ANK1: variants seen among roughly 807,000 people sequenced by gnomAD.
ANK1 encodes ankyrin 1, also known as ankyrin-1.
In ANK1, 51 loss-of-function variants were observed where a neutral mutation model predicts 210.4. The ratio of observed to expected loss-of-function variants is 0.24; its 90% CI spans 0.19 to 0.31. The LOEUF is 0.31. Ranked by LOEUF, ANK1 falls within the 10% of genes least tolerant of loss-of-function variation. The pLI, the probability that ANK1 is intolerant of heterozygous loss-of-function variation, is 1.00. For synonymous variants in ANK1, 967 were observed against 1,025.9 expected, an observed-to-expected ratio of 0.94 and a Z score of 1.10; for missense variants, 2,051 against 2,504.4, an observed-to-expected ratio of 0.82 and a Z score of 3.86.
chr8:41,744,283 A>T (rs1391439142), intron 2 of ANK1, among the ~76,000 whole-genome samples: 1 of 152,238 alleles, frequency 6.6e-6, no homozygotes, highest in African/African-American at 2.4e-5. Flanking sequence ...GCCAGCTAAA[A>T]AATGTAGAAG....
At chr8:41,706,581 C>T (rs1024423047) in intron 17 of ANK1, among the ~76,000 whole-genome samples, 40 of 152,174 alleles carry the variant, frequency 2.6e-4, no homozygotes, top group African/African-American at 9.4e-4. Flanking sequence ...GCCCACGGGC[C>T]CATAGTTTGC....
intron 3 of ANK1, among the ~76,000 whole-genome samples, chr8:41,730,524 G>A (rs868472857): frequency 6.6e-6 from 1 of 150,558 alleles, no homozygotes; most frequent in African/African-American, 2.5e-5. Flanking sequence ...CTTCCCATCT[G>A]TTGCCTCCTG....
chr8:41,740,314 C>T (rs576383712), intron 2 of ANK1, among the ~76,000 whole-genome samples: 31 of 152,206 alleles, frequency 2.0e-4, no homozygotes, highest in African/African-American at 7.2e-4. Flanking sequence ...GCGTCTGCCA[C>T]CACGCCTGGC....
rs1204676713 is a variant in ANK1, at chr8:41,826,693, T to C, written c.127-68556A>G. 2.6e-5 allele frequency among the ~76,000 whole-genome samples: 4 copies of C among 152,368 alleles called. No individual in the cohort carries two copies. The East Asian group carries it at 7.7e-4, about 29-fold the overall frequency. On this transcript the variant is annotated intron_variant, in intron 1 of 42. Transcript: ENST00000265709. ...AATCTATCACATCCTAAACATGATT[T>C]ACATTTTGATGCATTTGCTTAGTCT...
Position 41,708,886 on chromosome 8 carries a change from G to A in ANK1, c.1890C>T (p.Ala630=), listed in dbSNP as rs143600719. Residue 630 remains alanine (A), a synonymous_variant, in exon 17 of 43, where the codon GCC becomes GCT. Transcript: ENST00000289734. ...SLLQYGGSAN[A]ESVQGVTPLH... is the part of the protein sequence containing the mutation. ...GGGGCGTCACACCTTGCACCGACTC[G>A]GCGTTTGCTGAGCCCCCATACTGCA... The A allele has an allele frequency of 6.8e-6, 11 of 1,613,956 alleles. No individual in the cohort carries two copies. The highest frequency in any genetic ancestry group is 1.6e-4 in the Middle Eastern group (1 of 6,084).
At chr8:41,839,560 T>G (rs6989331) in intron 1 of ANK1, among the ~76,000 whole-genome samples, 68,661 of 152,158 alleles carry the variant, frequency 0.45, 16,394 homozygotes, top group East Asian at 0.82. Context: ...GGAAGGCACA[T>G]ATCGGTGGGA....
At chr8:41,679,451 A>T (rs1815217287) in intron 37 of ANK1, among the ~76,000 whole-genome samples, 1 of 151,428 alleles carries the variant, frequency 6.6e-6, no homozygotes, top group South Asian at 2.1e-4. Flanking sequence ...GCTGGCTAAT[A>T]CTCATCTGAA....
chr8:41,814,709 T>C (rs1012483728), intron 1 of ANK1, among the ~76,000 whole-genome samples: 1 of 147,094 alleles, frequency 6.8e-6, no homozygotes, highest in Non-Finnish European at 1.5e-5. Flanking sequence ...TTTTTTATTT[T>C]TTATTTTTAG....
chr8:41,880,595 G>C (rs57811883), intron 1 of ANK1, among the ~76,000 whole-genome samples: 3,650 of 152,294 alleles, frequency 0.024, 135 homozygotes, highest in African/African-American at 0.082. Flanking sequence ...CCCAGGGCCA[G>C]TTCTTTGCAG....
chr8:41,661,198 G>A lies in ANK1; in HGVS notation c.*36+232C>T, dbSNP rs1007819738. 22 of 588,066 alleles carry A rather than the reference G, an allele frequency of 3.7e-5. 1 individual carries two copies. Among genetic ancestry groups the A allele is most frequent in the Admixed American group, 5.8e-5 (2 of 34,278 alleles). The allele number at this position is 588,066 out of a possible 1,614,324, so 36.4% of individuals were successfully genotyped here. ...GCCCAAAAGGCATTCTTACAAAACC[G>A]TGCGGTCCCTGATAAGTGGATATTA... On this transcript the variant is annotated intron_variant, in intron 42 of 42. Coordinates refer to ENST00000289734, the MANE Select transcript of ANK1 (RefSeq NM_000037.4).
At chr8:41,834,514 C>A (rs1019594207) in intron 1 of ANK1, among the ~76,000 whole-genome samples, 2 of 152,216 alleles carry the variant, frequency 1.3e-5, no homozygotes, top group Admixed American at 1.3e-4. Flanking sequence ...ACACAAGTCA[C>A]CACAGAGCCT....
chr8:41,851,033 C>T (rs1469629090), intron 1 of ANK1, among the ~76,000 whole-genome samples: 3 of 152,200 alleles, frequency 2.0e-5, no homozygotes, highest in Non-Finnish European at 4.4e-5. Context: ...AAGGCACCTC[C>T]CCAGAAATCT....
chr8:41,784,023 T>C (rs868681647), intron 1 of ANK1, among the ~76,000 whole-genome samples: 6 of 148,546 alleles, frequency 4.0e-5, no homozygotes, highest in African/African-American at 1.3e-4. Flanking sequence ...CACTCCAGCC[T>C]AGGCAGACTT....
At position 41,874,291 on chromosome 8, in the gene ANK1, C is replaced by T. The variant is rs1033762055; in HGVS notation, c.126+22064G>A. ...CCTATAGCCGCCTTCAGAGCAAGGC[C>T]CACAGCCACTAATCTGAAAGGCCTC... On this transcript the variant is annotated intron_variant, in intron 1 of 42. Transcript: ENST00000265709. Among the ~76,000 whole-genome samples, 4 of 152,314 alleles carry T rather than the reference C, an allele frequency of 2.6e-5. No homozygotes were observed. The South Asian group carries it at 8.3e-4, about 32-fold the overall frequency.
chr8:41,673,217 T>G (rs1372544640), intron 37 of ANK1, among the ~76,000 whole-genome samples: 2 of 152,150 alleles, frequency 1.3e-5, no homozygotes, highest in African/African-American at 4.8e-5. Context: ...CTTATCCAGT[T>G]CAGAGCACTA....
intron 1 of ANK1, among the ~76,000 whole-genome samples, chr8:41,806,207 T>A (rs1262504249): frequency 6.6e-6 from 1 of 152,166 alleles, no homozygotes; most frequent in Non-Finnish European, 1.5e-5. Context: ...AAGCTATTTT[T>A]AAAAATCACA....
chr8:41,753,903 G>T (rs1194313227), intron 2 of ANK1, among the ~76,000 whole-genome samples: 11 of 152,132 alleles, frequency 7.2e-5, no homozygotes, highest in African/African-American at 2.7e-4. Flanking sequence ...CTTTGCACAG[G>T]CTGCTCTCTA....
chr8:41,702,971 C>A (rs1823282381), intron 20 of ANK1, among the ~76,000 whole-genome samples: 1 of 151,646 alleles, frequency 6.6e-6, no homozygotes, highest in Non-Finnish European at 1.5e-5. Flanking sequence ...AGGTGCCTGT[C>A]ACCTCACTCA....
intron 3 of ANK1, among the ~76,000 whole-genome samples, chr8:41,728,747 C>A (rs1005842122): frequency 2.0e-5 from 3 of 152,038 alleles, no homozygotes; most frequent in African/African-American, 7.3e-5. Context: ...AAAAATAATA[C>A]TGAAAGAAAA....
Sources: allele counts gnomAD v4.1 joint callset (sites outside exome capture counted in the v4.1 genomes callset), GRCh38; gene constraint gnomAD v4.1.1; transcripts MANE v1.5; gene names NCBI Gene and HGNC (gene_info 2026-07-23, HGNC 2026-07-21).